The following LRRFIP2 variants were observed in gnomAD, a reference collection of about 807,000 sequenced individuals.
The protein encoded by LRRFIP2 is leucine-rich repeat flightless-interacting protein 2.
A neutral mutation model predicts 125.9 loss-of-function variants in LRRFIP2; 109 were observed. The observed-to-expected ratio is 0.87, with a 90% CI of 0.74 to 1.01. The LOEUF is 1.01. LRRFIP2 is among the 50% of genes least tolerant of loss of function. LRRFIP2 has a pLI of 0.00. For missense variants in LRRFIP2, 850 were observed against 862.3 expected (o/e 0.99, Z 0.18); for synonymous variants, 291 against 293.1 (o/e 0.99, Z 0.07).
chr3:37,134,023 A>T (rs965703314), intron 2 of LRRFIP2, among the ~76,000 whole-genome samples: 1 of 152,052 alleles, frequency 6.6e-6, no homozygotes, highest in Non-Finnish European at 1.5e-5. Flanking sequence ...CTCTACTAAA[A>T]ATACAAAAAT....
At chr3:37,075,965 T>C (rs1202586688) in intron 19 of LRRFIP2, among the ~76,000 whole-genome samples, 4 of 152,142 alleles carry the variant, frequency 2.6e-5, no homozygotes, top group Admixed American at 6.5e-5. Flanking sequence ...TTTAAATTAG[T>C]AATGTTGGGA....
At chr3:37,105,301 A>G (rs1294402694) in intron 14 of LRRFIP2, among the ~76,000 whole-genome samples, 154 bp downstream of exon 14, 2 of 152,256 alleles carry the variant, frequency 1.3e-5, no homozygotes, top group African/African-American at 4.8e-5. Context: ...TGTGTTCTCA[A>G]CATGTTTTAT....
intron 2 of LRRFIP2, among the ~76,000 whole-genome samples, chr3:37,146,845 A>C (rs939360224): frequency 2.7e-4 from 41 of 152,318 alleles, no homozygotes; most frequent in Admixed American, 1.0e-3. Flanking sequence ...CAATCGCAAC[A>C]AAAGTAAGAA....
At chr3:37,136,258 G>C (rs1336865093) in intron 2 of LRRFIP2, among the ~76,000 whole-genome samples, 1 of 152,182 alleles carries the variant, frequency 6.6e-6, no homozygotes, top group African/African-American at 2.4e-5. Flanking sequence ...ACAGAAAGTA[G>C]ATTACTGGTT....
At chr3:37,168,311 T>C (rs1246826547) in intron 1 of LRRFIP2, among the ~76,000 whole-genome samples, 1 of 152,192 alleles carries the variant, frequency 6.6e-6, no homozygotes, top group East Asian at 1.9e-4. Context: ...TTAAACAATA[T>C]GGTATAAACA....
At chr3:37,098,450 C>T (rs183640199) in intron 15 of LRRFIP2, among the ~76,000 whole-genome samples, 1 of 150,260 alleles carries the variant, frequency 6.7e-6, no homozygotes, top group East Asian at 1.9e-4. Flanking sequence ...TGCAATGGTG[C>T]GATCTTGGCT....
chr3:37,122,665 A>T (rs2095104503), intron 4 of LRRFIP2, among the ~76,000 whole-genome samples: 1 of 152,170 alleles, frequency 6.6e-6, no homozygotes, highest in Admixed American at 6.5e-5. Flanking sequence ...TTGTGTTGTT[A>T]ATATGAAAAA....
chr3:37,150,284 G>A (rs1437216165), intron 1 of LRRFIP2, among the ~76,000 whole-genome samples: 2 of 152,058 alleles, frequency 1.3e-5, no homozygotes, highest in Non-Finnish European at 2.9e-5. Flanking sequence ...CCAACATGGT[G>A]AAACCCCATC....
At chr3:37,119,167 C>T (rs1216469614) in intron 6 of LRRFIP2, among the ~76,000 whole-genome samples, 1 of 152,092 alleles carries the variant, frequency 6.6e-6, no homozygotes, top group Non-Finnish European at 1.5e-5. Flanking sequence ...GGATGTAAAA[C>T]TTTTATTAAT....
intron 2 of LRRFIP2, among the ~76,000 whole-genome samples, chr3:37,142,148 C>CT (rs1006144645): frequency 0.053 from 6,900 of 129,710 alleles, 439 homozygotes; most frequent in African/African-American, 0.13. Context: ...ATTTTTCCTA[C>CT]TTTTTTTTTT....
intron 2 of LRRFIP2, among the ~76,000 whole-genome samples, chr3:37,131,805 T>A (rs1255696062): frequency 6.6e-6 from 1 of 152,192 alleles, no homozygotes; most frequent in Admixed American, 6.5e-5. Context: ...ACAATGCTTA[T>A]GGGAAGGAAG....
chr3:37,161,389 G>A (rs2096340869), intron 1 of LRRFIP2, among the ~76,000 whole-genome samples: 1 of 152,002 alleles, frequency 6.6e-6, no homozygotes, highest in Non-Finnish European at 1.5e-5. Context: ...ATAAAGTATT[G>A]ACTCGTGCTA....
At chr3:37,094,024 C>T (rs775394704) in intron 17 of LRRFIP2, among the ~76,000 whole-genome samples, 3 of 152,094 alleles carry the variant, frequency 2.0e-5, no homozygotes, top group African/African-American at 4.8e-5. Context: ...CTTGAATTAC[C>T]TTAACAGCCC....
At chr3:37,119,543 T>C (rs2094935540) in intron 6 of LRRFIP2, among the ~76,000 whole-genome samples, 1 of 152,202 alleles carries the variant, frequency 6.6e-6, no homozygotes, top group African/African-American at 2.4e-5. Context: ...GCGAACATTA[T>C]AATGAAAAGC....
intron 2 of LRRFIP2, chr3:37,135,077 G>C (rs763041139): frequency 5.8e-6 from 8 of 1,376,154 alleles, no homozygotes; most frequent in Admixed American, 5.1e-5. Flanking sequence ...AGAATATCTC[G>C]GGAATGGACT....
chr3:37,095,142 T>C (rs1004001075), intron 16 of LRRFIP2, among the ~76,000 whole-genome samples: 2 of 152,198 alleles, frequency 1.3e-5, no homozygotes, highest in Non-Finnish European at 2.9e-5. Flanking sequence ...AAATCTATAA[T>C]TCGTAATAAC....
intron 9 of LRRFIP2, 83 bp from the exon 10 acceptor site, chr3:37,109,786 G>C (rs2094486430): frequency 2.5e-6 from 3 of 1,221,776 alleles, no homozygotes; most frequent in Non-Finnish European, 2.4e-6. Context: ...GAGGACTTAA[G>C]TTTATGATTT....
chr3:37,168,058 T>C (rs550789953), intron 1 of LRRFIP2, among the ~76,000 whole-genome samples: 1 of 152,324 alleles, frequency 6.6e-6, no homozygotes, highest in South Asian at 2.1e-4. Flanking sequence ...CCCTTGTGCA[T>C]TGCTGGTGGT....
In LRRFIP2 at chr3:37,112,975, A is replaced by C. The variant is rs367660546; in HGVS notation, c.378T>G (p.His126Gln). ...TCATTCCATGAGAGTGACTGTAAGA[A>C]TGATTCTGGAAGTAAATATTCCAAG... is the stretch of plus-strand genomic sequence containing the variant. ...DRSSRLSSLNHSYSHSHGMKK... is the reference protein window; with the variant it reads ...DRSSRLSSLNQSYSHSHGMKK... Residue 126 changes from histidine to glutamine, a missense_variant, in exon 8 of 28, where the codon CAT becomes CAG. His to Gln is a conservative substitution (Grantham distance 24, BLOSUM62 0). Transcript: ENST00000336686. The C allele has an allele frequency of 1.3e-6, 2 of 1,567,070 alleles. No homozygotes were observed. Among genetic ancestry groups the C allele is most frequent in the African/African-American group, 2.7e-5 (2 of 74,248 alleles).
Sources: gnomAD v4.1 joint callset for allele counts (sites outside exome capture counted in the v4.1 genomes callset) on GRCh38, gnomAD v4.1.1 for gene constraint, MANE v1.5 for transcripts, NCBI Gene and HGNC (gene_info 2026-07-23, HGNC 2026-07-21) for gene names.